The following FNDC3A variants were observed in gnomAD, a reference collection of about 807,000 sequenced individuals.
FNDC3A encodes fibronectin type-III domain-containing protein 3A.
In FNDC3A, 32 loss-of-function variants were observed where a neutral mutation model predicts 148.9. The ratio of observed to expected loss-of-function variants is 0.21; its 90% confidence interval spans 0.16 to 0.29. The LOEUF is 0.29. Ranked by LOEUF, FNDC3A falls within the 10% of genes least tolerant of loss-of-function variation. The pLI, the probability that FNDC3A is intolerant of heterozygous loss-of-function variation, is 1.00. For synonymous variants in FNDC3A, 472 were observed against 473.6 expected (o/e 1.00, Z 0.04); for missense variants, 1,191 against 1,452.8 (o/e 0.82, Z 2.93).
intron 8 of FNDC3A, among the ~76,000 whole-genome samples, chr13:49,160,185 A>T (rs1884002466): frequency 1.3e-5 from 2 of 152,178 alleles, no homozygotes; most frequent in Admixed American, 1.3e-4. Flanking sequence ...ATAGTTTCAG[A>T]AGGAATGGTA....
chr13:48,977,898 TTTATCCCAGGCTGGCTACCG>T (rs1368790428), intron 1 of FNDC3A, among the ~76,000 whole-genome samples: 1 of 152,190 alleles, frequency 6.6e-6, no homozygotes, highest in East Asian at 1.9e-4. Flanking sequence ...TGGAAAATTT[TTTATCCCAGGCTGGCTACCG>T]TTAGCCACCT....
At chr13:49,040,711 C>T (rs911043499) in intron 2 of FNDC3A, among the ~76,000 whole-genome samples, 4 of 152,046 alleles carry the variant, frequency 2.6e-5, no homozygotes, top group Non-Finnish European at 4.4e-5. Flanking sequence ...ACTTTATAAC[C>T]ACTTTATGAT....
At chr13:49,176,724 G>C (rs962787621) in intron 13 of FNDC3A, among the ~76,000 whole-genome samples, 3 of 152,304 alleles carry the variant, frequency 2.0e-5, no homozygotes, top group Admixed American at 6.5e-5. Context: ...TATTGCCACA[G>C]TAGTTAGCTC....
chr13:49,041,604 A>G (rs1184450972), intron 2 of FNDC3A, among the ~76,000 whole-genome samples: 1 of 152,192 alleles, frequency 6.6e-6, no homozygotes, highest in African/African-American at 2.4e-5. Context: ...TGAGGTCAGG[A>G]GTTTGAGACC....
In FNDC3A at chr13:49,191,137, T is replaced by A. The variant is rs764042453; in HGVS notation, c.2050+17T>A. Reference sequence around the variant, plus strand: ...TACGATGGGGTAATTTCCATTTTGGTAATAAATTATAATTAAGCTAGAACA... The same window carrying A: ...TACGATGGGGTAATTTCCATTTTGGAAATAAATTATAATTAAGCTAGAACA... On this transcript the variant is annotated intron_variant, in intron 18 of 25. Coordinates refer to ENST00000492622, the MANE Select transcript of FNDC3A (RefSeq NM_001079673.2). 6.2e-7 allele frequency: 1 copy of A among 1,603,174 alleles called. No homozygotes were observed. Among genetic ancestry groups the A allele is most frequent in the African/African-American group, 1.3e-5 (1 of 74,304 alleles).
At position 49,145,928 on chromosome 13, in the gene FNDC3A, G is replaced by GTATA; in HGVS notation, c.972_975dup (p.Val326IlefsTer12). 6.2e-7 allele frequency: 1 copy of GTATA among 1,609,358 alleles called. No homozygotes were observed. The highest frequency in any genetic ancestry group is 8.5e-7 in the Non-Finnish European group (1 of 1,177,530). On this transcript the variant is annotated frameshift_variant, in exon 8 of 26. Coordinates refer to ENST00000492622, the MANE Select transcript of FNDC3A (RefSeq NM_001079673.2). LOFTEE classifies it high-confidence loss of function. Reference sequence around the variant, plus strand: ...TGGAAAAGATGGGAAATACAAAAGTGTATATGTGTAGGTATTTGTTGTTTT... The same window carrying GTATA: ...TGGAAAAGATGGGAAATACAAAAGTGTATATATATGTGTAGGTATTTGTTGTTTT...
intron 1 of FNDC3A, among the ~76,000 whole-genome samples, chr13:48,983,349 A>C (rs1485781129): frequency 6.6e-6 from 1 of 152,200 alleles, no homozygotes; most frequent in African/African-American, 2.4e-5. Context: ...TAAATCAGCT[A>C]TTCAACTATG....
intron 2 of FNDC3A, among the ~76,000 whole-genome samples, chr13:49,032,889 A>G (rs1874229801): frequency 6.6e-6 from 1 of 151,942 alleles, no homozygotes; most frequent in Admixed American, 6.5e-5. Flanking sequence ...GATTATATCA[A>G]TAAAAATATT....
chr13:48,993,118 T>C (rs987412568), intron 1 of FNDC3A, among the ~76,000 whole-genome samples: 4 of 152,266 alleles, frequency 2.6e-5, no homozygotes, highest in Non-Finnish European at 5.9e-5. Context: ...TCAGTATTTT[T>C]ATCTGTTTCT....
chr13:49,199,268 C>T (rs375054186), intron 23 of FNDC3A, among the ~76,000 whole-genome samples: 6 of 151,968 alleles, frequency 3.9e-5, no homozygotes, highest in South Asian at 2.1e-4. Flanking sequence ...TGGTCCTCCC[C>T]GCTCAGCCTC....
At chr13:49,071,886 A>C (rs1439404635) in intron 2 of FNDC3A, among the ~76,000 whole-genome samples, 1 of 152,142 alleles carries the variant, frequency 6.6e-6, no homozygotes, top group African/African-American at 2.4e-5. Flanking sequence ...TATGTCGCCC[A>C]GGCTGGTCTC....
At chr13:49,100,524 T>C (rs763918805) in intron 3 of FNDC3A, among the ~76,000 whole-genome samples, 10 of 152,172 alleles carry the variant, frequency 6.6e-5, no homozygotes, top group Non-Finnish European at 1.0e-4. Context: ...GATAATGTAG[T>C]GGTTTTTCAT....
chr13:49,051,289 G>A (rs888841656), intron 2 of FNDC3A, among the ~76,000 whole-genome samples: 7 of 152,112 alleles, frequency 4.6e-5, no homozygotes, highest in African/African-American at 1.4e-4. Context: ...GCTTTAAGGA[G>A]GTTCTATTTT....
chr13:49,066,801 G>A (rs1025706960), intron 2 of FNDC3A, among the ~76,000 whole-genome samples: 1 of 151,674 alleles, frequency 6.6e-6, no homozygotes, highest in African/African-American at 2.4e-5. Flanking sequence ...CCCATCAACT[G>A]GTCATCTGCA....
At chr13:49,010,916 G>A (rs771431535) in intron 2 of FNDC3A, among the ~76,000 whole-genome samples, 8 of 152,046 alleles carry the variant, frequency 5.3e-5, no homozygotes, top group Non-Finnish European at 1.0e-4. Flanking sequence ...ATTCTTTTGT[G>A]ACTTGCTGGT....
At position 48,986,385 on chromosome 13, in the gene FNDC3A, GTT is replaced by G. The variant is rs869031197; in HGVS notation, c.-40+10235_-40+10236del. Among the ~76,000 whole-genome samples, 248 of 54,432 alleles carry G rather than the reference GTT, an allele frequency of 4.6e-3. 2 individuals are homozygous for G. Among genetic ancestry groups the G allele is most frequent in the African/African-American group, 0.018 (235 of 12,862 alleles). 35.7% of individuals were successfully genotyped at this position (54,432 alleles called of 152,430 possible). ...AAGACAGAGTAAGGAGAAGGAAGTTGTTTTTTTTTTTTTTTTTTTTTTTTTTT... is the reference window on the plus strand; with the variant it reads ...AAGACAGAGTAAGGAGAAGGAAGTTGTTTTTTTTTTTTTTTTTTTTTTTTT... On this transcript the variant is annotated intron_variant, in intron 1 of 25. Transcript: ENST00000492622.
At chr13:49,153,183 G>C (rs1430922934) in intron 8 of FNDC3A, among the ~76,000 whole-genome samples, 1 of 151,484 alleles carries the variant, frequency 6.6e-6, no homozygotes, top group Non-Finnish European at 1.5e-5. Flanking sequence ...AGCACCTGTT[G>C]TTTCCTGACT....
chr13:49,052,145 T>C (rs111972850), intron 2 of FNDC3A, among the ~76,000 whole-genome samples: 12 of 152,170 alleles, frequency 7.9e-5, no homozygotes, highest in Admixed American at 3.3e-4. Context: ...CCTCCTTGAT[T>C]TGCTTAATAA....
At chr13:49,143,549 T>C (rs1406988150) in intron 7 of FNDC3A, among the ~76,000 whole-genome samples, 2 of 152,188 alleles carry the variant, frequency 1.3e-5, no homozygotes, top group African/African-American at 4.8e-5. Flanking sequence ...CATGGTTATA[T>C]AGGATTTTAA....
Sources: gnomAD v4.1 joint callset for allele counts (sites outside exome capture counted in the v4.1 genomes callset) on GRCh38, gnomAD v4.1.1 for gene constraint, MANE v1.5 for transcripts, NCBI Gene and HGNC (gene_info 2026-07-23, HGNC 2026-07-21) for gene names.